Variants in PRKACB observed in about 807,000 individuals in gnomAD.
PRKACB encodes the protein protein kinase cAMP-activated catalytic subunit beta.
Under a neutral mutation model 51.4 loss-of-function variants are expected in PRKACB, and 16 were observed. The ratio of observed to expected loss-of-function variants is 0.31; its 90% CI spans 0.21 to 0.47. The LOEUF is 0.47. PRKACB is among the 20% of genes least tolerant of loss of function. The probability of loss-of-function intolerance (pLI) is 1.00; values close to 1 mark genes in which losing one functional copy is unlikely to be tolerated. For synonymous variants in PRKACB, 147 were observed against 154.4 expected, an observed-to-expected ratio of 0.95 and a Z score of 0.35; for missense variants, 309 against 464.5, an observed-to-expected ratio of 0.67 and a Z score of 3.08.
intron 1 of PRKACB, among the ~76,000 whole-genome samples, chr1:84,128,007 CTTTTT>C (rs10537848): frequency 9.5e-6 from 1 of 105,392 alleles, no homozygotes; most frequent in Non-Finnish European, 1.9e-5. Context: ...CTTTTTTTTT[CTTTTT>C]TTTTTTTTTT....
chr1:84,216,386 G>T (rs946256797), intron 9 of PRKACB, among the ~76,000 whole-genome samples: 3 of 151,930 alleles, frequency 2.0e-5, no homozygotes, highest in African/African-American at 7.2e-5. Flanking sequence ...AACAATTAAA[G>T]AATTTTAAAA....
At chr1:84,148,375 A>G (rs978419710) in intron 1 of PRKACB, among the ~76,000 whole-genome samples, 21 of 151,646 alleles carry the variant, frequency 1.4e-4, no homozygotes, top group Non-Finnish European at 2.8e-4. Context: ...TTTATATGGT[A>G]TAGTTTGTAT....
intron 2 of PRKACB, 56 bp downstream of exon 2, chr1:84,179,294 A>G: frequency 1.4e-6 from 2 of 1,468,230 alleles, no homozygotes; most frequent in Non-Finnish European, 1.8e-6. Flanking sequence ...TAAAATCAGG[A>G]TTCTTGCCTA....
chr1:84,130,189 C>CAAAAA (rs71097833), intron 1 of PRKACB, among the ~76,000 whole-genome samples: 15 of 56,164 alleles, frequency 2.7e-4, no homozygotes, highest in Non-Finnish European at 2.9e-4. Flanking sequence ...GACTCCGTCT[C>CAAAAA]AAAAAAAAAA....
intron 1 of PRKACB, among the ~76,000 whole-genome samples, chr1:84,136,536 T>C (rs1010173572): frequency 7.4e-6 from 1 of 135,066 alleles, no homozygotes; most frequent in African/African-American, 2.6e-5. Flanking sequence ...TGACTGCCGA[T>C]TGGTGACAAA....
chr1:84,213,673 G>A (rs950456765), intron 8 of PRKACB, among the ~76,000 whole-genome samples: 5 of 152,166 alleles, frequency 3.3e-5, no homozygotes, highest in Admixed American at 1.3e-4. Context: ...GGCAGTGTGG[G>A]TTTTTACAAC....
chr1:84,162,558 A>G (rs1460708058), intron 1 of PRKACB, among the ~76,000 whole-genome samples: 1 of 151,850 alleles, frequency 6.6e-6, no homozygotes, highest in Non-Finnish European at 1.5e-5. Context: ...TGCTCTTTTA[A>G]ATCTGCTGTT....
At chr1:84,204,868 C>T (rs1354289943) in intron 8 of PRKACB, 2 of 982,542 alleles carry the variant, frequency 2.0e-6, no homozygotes, top group Non-Finnish European at 2.4e-6. Flanking sequence ...TATGCATTGG[C>T]CTCGATTTGC....
At chr1:84,129,156 T>C (rs560070067) in intron 1 of PRKACB, among the ~76,000 whole-genome samples, 1 of 152,292 alleles carries the variant, frequency 6.6e-6, no homozygotes, top group East Asian at 1.9e-4. Context: ...TATCTCTTTT[T>C]ATGTTGAATA....
chr1:84,175,018 T>A (rs1291678221), intron 1 of PRKACB: 4 of 1,469,138 alleles, frequency 2.7e-6, no homozygotes, highest in Non-Finnish European at 3.6e-6. Context: ...TTCTAATTTA[T>A]TTTTTGGACA....
In PRKACB at chr1:84,095,371, G is replaced by A. The variant is rs187582616; in HGVS notation, c.46+17000G>A. Among the ~76,000 whole-genome samples the A allele has an allele frequency of 1.8e-4, 27 of 150,818 alleles. No homozygotes were observed. In the East Asian group the frequency reaches 4.9e-3, roughly 27 times the overall value. On this transcript the variant is annotated intron_variant, in intron 1 of 8. Coordinates refer to the PRKACB transcript ENST00000370688. ...TGTCAGTTTTTATTTATCTGGATTTGTGTATTTTTTACCTTCACTTTTTCA... is the reference window on the plus strand; with the variant it reads ...TGTCAGTTTTTATTTATCTGGATTTATGTATTTTTTACCTTCACTTTTTCA...
Position 84,236,199 on chromosome 1 carries a change from T to A in PRKACB, c.*894T>A, listed in dbSNP as rs527877064. ...AACATGATTAATGAAAGTGACAAAT[T>A]TTAAATTTTCTCTAATAGTCCTCAT... On this transcript the variant is annotated 3_prime_UTR_variant, in exon 10 of 10. Transcript: ENST00000370685. 2 of 152,748 alleles carry A rather than the reference T, an allele frequency of 1.3e-5. No individual in the cohort carries two copies. The highest frequency in any genetic ancestry group is 4.8e-5 in the African/African-American group (2 of 41,566). The allele number at this position is 152,748 out of a possible 1,614,324, so 9.5% of individuals were successfully genotyped here. A position where few individuals can be genotyped will look rare whatever the true frequency, so the allele number is the denominator to read the frequency against.
intron 1 of PRKACB, among the ~76,000 whole-genome samples, chr1:84,154,329 ACT>A (rs1463711503): frequency 6.6e-6 from 1 of 151,982 alleles, no homozygotes; most frequent in East Asian, 1.9e-4. Flanking sequence ...TTGTCTCTTC[ACT>A]CTGTCGACTG....
chr1:84,105,194 C>G (rs1649637393), intron 1 of PRKACB, among the ~76,000 whole-genome samples: 1 of 152,130 alleles, frequency 6.6e-6, no homozygotes, highest in Non-Finnish European at 1.5e-5. Flanking sequence ...AACTGAATCT[C>G]TCACTGCACT....
Position 84,192,163 on chromosome 1 carries a change from G to A in PRKACB, c.561-4453G>A, listed in dbSNP as rs568217873. Among the ~76,000 whole-genome samples, 11 of 152,050 alleles carry A rather than the reference G, an allele frequency of 7.2e-5. No individual in the cohort carries two copies. The South Asian group carries it at 2.1e-3, about 29-fold the overall frequency. On this transcript the variant is annotated intron_variant, in intron 5 of 9. Transcript: ENST00000370685. ...TTATTTTTCTAACAAAATGGGATGA[G>A]GCTAAACTTTAAGCTTTTTTTAATA...
At position 84,130,147 on chromosome 1, in the gene PRKACB, G is replaced by A. The variant is rs183847155; in HGVS notation, c.47-49030G>A. Among the ~76,000 whole-genome samples the A allele has an allele frequency of 4.2e-4, 53 of 125,594 alleles. 1 individual carries two copies. Among genetic ancestry groups the A allele is most frequent in the African/African-American group, 1.5e-3 (50 of 32,916 alleles). 82.4% of individuals were successfully genotyped at this position (125,594 alleles called of 152,430 possible). ...GGAGCTTGCAGTGAGCCAAGATCGTGCCATTGCACTCCAGCCTAGGCAACA... is the reference window on the plus strand; with the variant it reads ...GGAGCTTGCAGTGAGCCAAGATCGTACCATTGCACTCCAGCCTAGGCAACA... On this transcript the variant is annotated intron_variant, in intron 1 of 8. Coordinates refer to the PRKACB transcript ENST00000370688.
At chr1:84,116,781 C>T (rs1169663537) in intron 1 of PRKACB, among the ~76,000 whole-genome samples, 1 of 152,112 alleles carries the variant, frequency 6.6e-6, no homozygotes, top group Non-Finnish European at 1.5e-5. Flanking sequence ...ATTTGACTTC[C>T]TCTTCTCCAA....
At chr1:84,133,219 T>C (rs1272738291) in intron 1 of PRKACB, among the ~76,000 whole-genome samples, 1 of 151,232 alleles carries the variant, frequency 6.6e-6, no homozygotes, top group Admixed American at 6.6e-5. Context: ...AAGAAAAGAG[T>C]AGAGTAAAAT....
intron 1 of PRKACB, among the ~76,000 whole-genome samples, chr1:84,163,325 CTCTG>C (rs1196632234): frequency 3.3e-5 from 5 of 152,032 alleles, no homozygotes; most frequent in African/African-American, 9.7e-5. Flanking sequence ...CTTACGTAGC[CTCTG>C]TCTGTCTCAT....
Sources: gnomAD v4.1 joint callset for allele counts (sites outside exome capture counted in the v4.1 genomes callset) on GRCh38, gnomAD v4.1.1 for gene constraint, MANE v1.5 for transcripts, NCBI Gene and HGNC (gene_info 2026-07-23, HGNC 2026-07-21) for gene names.